PCCA: variants seen among roughly 807,000 people sequenced by gnomAD.
PCCA encodes the protein propionyl-CoA carboxylase alpha chain, mitochondrial.
A neutral mutation model predicts 101.3 loss-of-function variants in PCCA; 74 were observed. That is an observed-to-expected ratio of 0.73 (90% confidence interval 0.61 to 0.89). The LOEUF is 0.89. Ranked by LOEUF, PCCA falls within the 40% of genes least tolerant of loss-of-function variation. PCCA has a pLI of 0.00. For missense variants in PCCA, 891 were observed against 907.0 expected, an observed-to-expected ratio of 0.98 and a Z score of 0.23; for synonymous variants, 294 against 313.6, an observed-to-expected ratio of 0.94 and a Z score of 0.66.
intron 19 of PCCA, among the ~76,000 whole-genome samples, chr13:100,375,090 G>T (rs1350972630): frequency 6.6e-6 from 1 of 152,124 alleles, no homozygotes; most frequent in Non-Finnish European, 1.5e-5. Flanking sequence ...TGGTTTCAAA[G>T]AACTTATTTA....
At chr13:100,382,343 A>G (rs1296027524) in intron 19 of PCCA, among the ~76,000 whole-genome samples, 1 of 152,150 alleles carries the variant, frequency 6.6e-6, no homozygotes, top group African/African-American at 2.4e-5. Flanking sequence ...TCTCTCCAAC[A>G]TTCAGCTGCT....
intron 15 of PCCA, among the ~76,000 whole-genome samples, chr13:100,307,568 T>A (rs1190151412): frequency 1.3e-5 from 2 of 152,220 alleles, no homozygotes; most frequent in Admixed American, 1.3e-4. Context: ...AATTAAGGTT[T>A]TTTTTGGCCA....
Position 100,395,330 on chromosome 13 carries a change from A to G in PCCA, c.1746+26756A>G, listed in dbSNP as rs376118989. The stretch of plus-strand genomic sequence containing the variant: ...TTCTTAGCCATAACTGATCTTTTCC[A>G]TCTTATTCACCAGACTCAGCACTGC... On this transcript the variant is annotated intron_variant, in intron 19 of 23. Coordinates refer to ENST00000376285, the MANE Select transcript of PCCA (RefSeq NM_000282.4). Among the ~76,000 whole-genome samples, 165 of 152,272 alleles carry G rather than the reference A, an allele frequency of 1.1e-3. 6 individuals carry two copies. The South Asian group carries it at 0.031, about 29-fold the overall frequency.
At chr13:100,460,717 TATTA>T (rs984660435) in intron 21 of PCCA, among the ~76,000 whole-genome samples, 12 of 152,370 alleles carry the variant, frequency 7.9e-5, no homozygotes, top group African/African-American at 2.9e-4. Flanking sequence ...TTAAGAATGC[TATTA>T]ATATGACCCT....
intron 12 of PCCA, among the ~76,000 whole-genome samples, chr13:100,273,941 C>A (rs1329386959): frequency 6.6e-6 from 1 of 152,024 alleles, no homozygotes; most frequent in East Asian, 1.9e-4. Context: ...TTTTTTCTTT[C>A]ATTTAAATTG....
chr13:100,265,233 GT>G (rs2062846837), intron 10 of PCCA, among the ~76,000 whole-genome samples: 1 of 152,058 alleles, frequency 6.6e-6, no homozygotes, highest in African/African-American at 2.4e-5. Flanking sequence ...CTAGTTAGGA[GT>G]TTTTTTGTTT....
At chr13:100,522,921 C>T (rs1470713766) in intron 22 of PCCA, among the ~76,000 whole-genome samples, 1 of 152,244 alleles carries the variant, frequency 6.6e-6, no homozygotes, top group Non-Finnish European at 1.5e-5. Flanking sequence ...AATCAAATAA[C>T]ATTAGTGAGC....
At chr13:100,464,192 C>T (rs372276941) in intron 21 of PCCA, among the ~76,000 whole-genome samples, 6 of 152,148 alleles carry the variant, frequency 3.9e-5, no homozygotes, top group South Asian at 2.1e-4. Flanking sequence ...GAAATTACCA[C>T]GAACCACTGC....
At chr13:100,105,657 C>CAAAAAAAAAA (rs34277733) in intron 2 of PCCA, among the ~76,000 whole-genome samples, 2 of 75,862 alleles carry the variant, frequency 2.6e-5, no homozygotes, top group Admixed American at 1.7e-4. Context: ...CTGTCTCTAC[C>CAAAAAAAAAA]AAAAAAAAAA....
intron 8 of PCCA, among the ~76,000 whole-genome samples, chr13:100,249,562 T>A (rs1474013785): frequency 1.3e-5 from 2 of 152,194 alleles, no homozygotes; most frequent in Non-Finnish European, 2.9e-5. Flanking sequence ...CTATTCTGGG[T>A]CTTTTCCTTT....
intron 4 of PCCA, among the ~76,000 whole-genome samples, chr13:100,120,912 G>A (rs747456965): frequency 6.6e-6 from 1 of 152,004 alleles, no homozygotes; most frequent in South Asian, 2.1e-4. Context: ...CTATCTCAAC[G>A]TTTTTAAGTC....
intron 8 of PCCA, among the ~76,000 whole-genome samples, chr13:100,253,510 G>C (rs1321116047): frequency 1.3e-5 from 2 of 152,188 alleles, no homozygotes; most frequent in African/African-American, 4.8e-5. Context: ...GTAGCTGGGA[G>C]GTGAGGGACC....
At chr13:100,116,778 A>T (rs1258646282) in intron 4 of PCCA, among the ~76,000 whole-genome samples, 1 of 152,176 alleles carries the variant, frequency 6.6e-6, no homozygotes, top group Non-Finnish European at 1.5e-5. Context: ...TTGAAAGTAA[A>T]TACATTTTTG....
chr13:100,391,093 C>T (rs1220357120), intron 19 of PCCA, among the ~76,000 whole-genome samples: 3 of 152,046 alleles, frequency 2.0e-5, no homozygotes, highest in African/African-American at 7.3e-5. Flanking sequence ...TCTTGGCTCA[C>T]TGCAACCTCC....
intron 6 of PCCA, among the ~76,000 whole-genome samples, chr13:100,168,393 A>C (rs1167838084): frequency 6.6e-6 from 1 of 152,172 alleles, no homozygotes; most frequent in Non-Finnish European, 1.5e-5. Context: ...GAGCAGCCAC[A>C]ATTAGACAGA....
chr13:100,294,394 T>C (rs970014735), intron 12 of PCCA, among the ~76,000 whole-genome samples: 8 of 152,160 alleles, frequency 5.3e-5, no homozygotes, highest in African/African-American at 1.9e-4. Flanking sequence ...TGATTATTAT[T>C]CTTGGGGTCA....
At chr13:100,481,399 A>G (rs570931887) in intron 21 of PCCA, among the ~76,000 whole-genome samples, 2 of 152,130 alleles carry the variant, frequency 1.3e-5, no homozygotes, top group Non-Finnish European at 2.9e-5. Flanking sequence ...CTCTACAAAA[A>G]ACACAAAAAT....
intron 8 of PCCA, among the ~76,000 whole-genome samples, chr13:100,254,853 G>A (rs536597241): frequency 4.9e-4 from 75 of 152,180 alleles, no homozygotes; most frequent in African/African-American, 1.8e-3. Flanking sequence ...AGGCCAAAGC[G>A]GGAGGATTGC....
intron 19 of PCCA, among the ~76,000 whole-genome samples, chr13:100,420,564 G>C (rs2078677899): frequency 6.6e-6 from 1 of 152,166 alleles, no homozygotes; most frequent in Non-Finnish European, 1.5e-5. Context: ...GGGTGATGGA[G>C]TGATGCCCTA....
Sources: gnomAD v4.1 joint callset for allele counts (sites outside exome capture counted in the v4.1 genomes callset) on GRCh38, gnomAD v4.1.1 for gene constraint, MANE v1.5 for transcripts, NCBI Gene and HGNC (gene_info 2026-07-23, HGNC 2026-07-21) for gene names.